COL26A1: variants seen among roughly 807,000 people sequenced by gnomAD.
The protein encoded by COL26A1 is collagen type XXVI alpha 1 chain.
In COL26A1, 41 loss-of-function variants were observed where a neutral mutation model predicts 59.3. The ratio of observed to expected loss-of-function variants is 0.69; its 90% CI spans 0.54 to 0.90. The LOEUF (loss-of-function observed/expected upper bound fraction) is 0.90, where lower values mean the gene tolerates loss of function less well. Ranked by LOEUF, COL26A1 falls within the 40% of genes least tolerant of loss-of-function variation. The pLI, the probability that COL26A1 is intolerant of heterozygous loss-of-function variation, is 0.00. For missense variants in COL26A1, 612 were observed against 602.3 expected (o/e 1.02, Z -0.17); for synonymous variants, 266 against 256.0 (o/e 1.04, Z -0.37).
At chr7:101,459,624 C>T (rs1793563089) in intron 3 of COL26A1, among the ~76,000 whole-genome samples, 2 of 152,020 alleles carry the variant, frequency 1.3e-5, no homozygotes, top group South Asian at 4.2e-4. Context: ...TGGCCTACGA[C>T]CGTGGAGTTT....
chr7:101,557,696 C>A lies in COL26A1; in HGVS notation c.*166C>A. 1.5e-6 allele frequency: 1 copy of A among 684,928 alleles called. No individual in the cohort carries two copies. Among genetic ancestry groups the A allele is most frequent in the Non-Finnish European group, 2.3e-6 (1 of 425,628 alleles). 42.4% of individuals were successfully genotyped at this position (684,928 alleles called of 1,614,324 possible). A position where few individuals can be genotyped will look rare whatever the true frequency, so the allele number is the denominator to read the frequency against. On this transcript the variant is annotated 3_prime_UTR_variant, in exon 13 of 13. Transcript: ENST00000313669. ...CAGATAATGTCTCCAGGGGCAGGGTCTGGAGGGGCCAACACCCTCATCAGA... is the reference window on the plus strand; with the variant it reads ...CAGATAATGTCTCCAGGGGCAGGGTATGGAGGGGCCAACACCCTCATCAGA...
chr7:101,555,778 C>G lies in COL26A1; in HGVS notation c.1081-9C>G. ...CCGGCCCTGACCCTGCCTGTTTCCT[C>G]CCCGCCAGGGCGAGGGGGTGCAGCA... On this transcript the variant is annotated splice_polypyrimidine_tract_variant and intron_variant, in intron 11 of 12. Coordinates refer to ENST00000313669, the MANE Select transcript of COL26A1 (RefSeq NM_001278563.3). 6.2e-7 allele frequency: 1 copy of G among 1,603,960 alleles called. No homozygotes were observed. The highest frequency in any genetic ancestry group is 8.5e-7 in the Non-Finnish European group (1 of 1,176,280).
At chr7:101,468,833 T>G (rs116263605) in intron 3 of COL26A1, among the ~76,000 whole-genome samples, 2,484 of 152,242 alleles carry the variant, frequency 0.016, 68 homozygotes, top group African/African-American at 0.057. Flanking sequence ...CCCTTGGCGC[T>G]CAGCTGAGAT....
At position 101,438,012 on chromosome 7, in the gene COL26A1, C is replaced by T. The variant is rs190362711; in HGVS notation, c.282-9672C>T. On this transcript the variant is annotated intron_variant, in intron 2 of 12. Transcript: ENST00000313669. ...ACAGGCATGAGCCACTGTGCCTGGC[C>T]TTGTCCTGAGATTGAAGAAAAGCTA... 2.6e-3 allele frequency among the ~76,000 whole-genome samples: 392 copies of T among 151,814 alleles called. 2 individuals are homozygous for T. Among genetic ancestry groups the T allele is most frequent in the African/African-American group, 9.1e-3 (379 of 41,488 alleles).
intron 3 of COL26A1, among the ~76,000 whole-genome samples, chr7:101,491,716 G>T (rs1794464352): frequency 6.6e-6 from 1 of 152,126 alleles, no homozygotes; most frequent in African/African-American, 2.4e-5. Context: ...ACGACCAGAG[G>T]TCACTCTCAT....
chr7:101,408,494 A>C (rs1315443025), intron 1 of COL26A1, among the ~76,000 whole-genome samples: 1 of 152,192 alleles, frequency 6.6e-6, no homozygotes, highest in Non-Finnish European at 1.5e-5. Context: ...CTGGGGCTAA[A>C]AGCCTTTCTC....
chr7:101,502,003 C>T (rs919475567), intron 3 of COL26A1, among the ~76,000 whole-genome samples: 10 of 152,200 alleles, frequency 6.6e-5, no homozygotes, highest in African/African-American at 2.4e-4. Context: ...AGGAAGCGTT[C>T]CCTGGTCTTT....
intron 1 of COL26A1, among the ~76,000 whole-genome samples, chr7:101,382,590 G>T (rs745912665): frequency 6.6e-6 from 1 of 152,056 alleles, no homozygotes; most frequent in African/African-American, 2.4e-5. Context: ...TATTTTGTTA[G>T]CTGATAGAAC....
chr7:101,552,635 G>A (rs981008227), intron 10 of COL26A1, among the ~76,000 whole-genome samples: 3 of 152,012 alleles, frequency 2.0e-5, no homozygotes, highest in Admixed American at 2.0e-4. Context: ...GGCTGGGTGC[G>A]GTGGCTCACG....
At chr7:101,469,576 G>T (rs1367776293) in intron 3 of COL26A1, among the ~76,000 whole-genome samples, 1 of 150,962 alleles carries the variant, frequency 6.6e-6, no homozygotes, top group African/African-American at 2.4e-5. Context: ...TGCAATCTCC[G>T]CTTCCTGGAT....
chr7:101,520,695 G>A (rs1222864024), intron 3 of COL26A1, among the ~76,000 whole-genome samples: 1 of 147,924 alleles, frequency 6.8e-6, no homozygotes, highest in East Asian at 2.0e-4. Context: ...TGCTCCAGCA[G>A]GGGGACATGT....
At chr7:101,400,934 G>A (rs1449453946) in intron 1 of COL26A1, among the ~76,000 whole-genome samples, 1 of 152,136 alleles carries the variant, frequency 6.6e-6, no homozygotes, top group Admixed American at 6.6e-5. Context: ...CCCGAACGAG[G>A]GGTGGGGAGA....
intron 3 of COL26A1, among the ~76,000 whole-genome samples, chr7:101,500,391 G>A (rs759272113): frequency 1.2e-4 from 19 of 152,140 alleles, no homozygotes; most frequent in African/African-American, 1.9e-4. Context: ...CCTTCTGGCC[G>A]TTGCTTATGG....
rs192173588 is a variant in COL26A1 at position 101,552,836 on chromosome 7, G to A, written c.1030-490G>A. Among the ~76,000 whole-genome samples, 15 of 152,300 alleles carry A rather than the reference G, an allele frequency of 9.8e-5. No homozygotes were observed. The East Asian group carries it at 2.7e-3, about 27-fold the overall frequency. On this transcript the variant is annotated intron_variant, in intron 10 of 12. Transcript: ENST00000313669. ...GCAGGAGAATCGCTTGAACACAGGAGGCAGAGATTGCAGTGAGCCGAGATC... is the reference window on the plus strand; with the variant it reads ...GCAGGAGAATCGCTTGAACACAGGAAGCAGAGATTGCAGTGAGCCGAGATC...
intron 3 of COL26A1, among the ~76,000 whole-genome samples, chr7:101,481,995 C>T (rs1794166457): frequency 6.6e-6 from 1 of 151,412 alleles, no homozygotes; most frequent in Admixed American, 6.6e-5. Context: ...TATTATTACA[C>T]TAATATCATA....
intron 3 of COL26A1, among the ~76,000 whole-genome samples, chr7:101,476,255 C>T (rs1304427223): frequency 6.6e-6 from 1 of 152,004 alleles, no homozygotes; most frequent in African/African-American, 2.4e-5. Flanking sequence ...ACCTCGACCT[C>T]CTAAAGTGCT....
chr7:101,517,520 A>G (rs1055523780), intron 3 of COL26A1, among the ~76,000 whole-genome samples: 3 of 151,878 alleles, frequency 2.0e-5, no homozygotes, highest in Admixed American at 6.6e-5. Context: ...GTGCAGGGAA[A>G]CTCCCACTTA....
At chr7:101,555,540 G>A (rs948955685) in intron 11 of COL26A1, among the ~76,000 whole-genome samples, 3 of 152,174 alleles carry the variant, frequency 2.0e-5, no homozygotes, top group Non-Finnish European at 4.4e-5. Context: ...TTGCCAGGCT[G>A]TGTGGCCGTG....
chr7:101,475,736 TTTCC>T (rs963723135), intron 3 of COL26A1, among the ~76,000 whole-genome samples: 27 of 151,680 alleles, frequency 1.8e-4, no homozygotes, highest in South Asian at 2.1e-4. Flanking sequence ...GATTCCTTCC[TTTCC>T]TTCCTTCCTT....
Sources: allele counts gnomAD v4.1 joint callset (sites outside exome capture counted in the v4.1 genomes callset), GRCh38; gene constraint gnomAD v4.1.1; transcripts MANE v1.5; gene names NCBI Gene and HGNC (gene_info 2026-07-23, HGNC 2026-07-21).